UGT1A8: variants seen among roughly 807,000 people sequenced by gnomAD.
UGT1A8 encodes UDP glucuronosyltransferase family 1 member A8.
UGT1A8 carries 39 observed loss-of-function variants against 45.3 expected under a neutral mutation model. That is an observed-to-expected ratio of 0.86 (90% CI 0.67 to 1.12). The LOEUF (loss-of-function observed/expected upper bound fraction) is 1.12. Among genes scored for constraint, UGT1A8 ranks in the 50% most tolerant of loss-of-function variants. The pLI is 0.00. For missense variants in UGT1A8, 719 were observed against 664.9 expected (o/e 1.08, Z -0.90); for synonymous variants, 275 against 249.2 (o/e 1.10, Z -0.97).
intron 1 of UGT1A8, among the ~76,000 whole-genome samples, chr2:233,727,290 G>A (rs1306281777): frequency 6.6e-6 from 1 of 152,162 alleles, no homozygotes; most frequent in Non-Finnish European, 1.5e-5. Flanking sequence ...GGAAGCTGAT[G>A]ACTTGGGCAG....
chr2:233,617,928 T>A lies in UGT1A8; in HGVS notation c.221T>A (p.Val74Glu). ...CTGGGAAAATCACTGAATTGCACAG[T>A]GAAGACTTACTCAACCTCATACACT... ...WQLGKSLNCT[V>E]KTYSTSYTLE... The change falls in exon 1 of 5, where the codon GTG (valine) becomes GAG (glutamate). Residue 74 changes from valine (V) to glutamate (E), a missense_variant. Coordinates refer to ENST00000373450, the MANE Select transcript of UGT1A8 (RefSeq NM_019076.5). 1.2e-6 allele frequency: 2 copies of A among 1,614,194 alleles called. No homozygotes were observed. Among genetic ancestry groups the A allele is most frequent in the Non-Finnish European group, 1.7e-6 (2 of 1,180,034 alleles).
chr2:233,766,278 C>CGGGCTCGGTGGCCT (rs201295078), intron 1 of UGT1A8, among the ~76,000 whole-genome samples: 1 of 116,250 alleles, frequency 8.6e-6, no homozygotes, highest in East Asian at 2.1e-4. Flanking sequence ...CTCGGTGGCC[C>CGGGCTCGGTGGCCT]GGGCTCGGTG....
intron 1 of UGT1A8, among the ~76,000 whole-genome samples, chr2:233,742,165 C>A (rs1314313900): frequency 2.0e-5 from 3 of 151,916 alleles, no homozygotes; most frequent in Non-Finnish European, 2.9e-5. Context: ...AAGACACACA[C>A]ACAGAAATAT....
At chr2:233,766,965 T>C in intron 1 of UGT1A8, 69 bp from the exon 2 acceptor site, 1 of 1,608,636 alleles carries the variant, frequency 6.2e-7, no homozygotes, top group Non-Finnish European at 8.5e-7. Context: ...ATCTAATTCA[T>C]AACTTACTGT....
chr2:233,710,556 C>A (rs943295529), intron 1 of UGT1A8, among the ~76,000 whole-genome samples: 25 of 152,110 alleles, frequency 1.6e-4, no homozygotes, highest in African/African-American at 6.0e-4. Context: ...TGCCTGTTTT[C>A]TTTTAAAAGG....
intron 1 of UGT1A8, chr2:233,760,446 G>T (rs149071335): frequency 6.2e-7 from 1 of 1,614,210 alleles, no homozygotes; most frequent in Non-Finnish European, 8.5e-7. Flanking sequence ...TGCAGCAGAG[G>T]GGACATGAAA....
Position 233,727,076 on chromosome 2 carries a change from C to T in UGT1A8, c.856-39958C>T, listed in dbSNP as rs574728878. Among the ~76,000 whole-genome samples the T allele has an allele frequency of 2.4e-4, 36 of 152,290 alleles. No individual in the cohort carries two copies. In the South Asian group the frequency reaches 7.5e-3, roughly 32 times the overall value. ...GAAGATTAGTTTCTGTGTTCTCTTA[C>T]AAACATTAAAGAATTCCAGTTTGTG... On this transcript the variant is annotated intron_variant, in intron 1 of 4. Coordinates refer to ENST00000373450, the MANE Select transcript of UGT1A8 (RefSeq NM_019076.5).
intron 1 of UGT1A8, chr2:233,648,382 C>T: frequency 3.1e-6 from 1 of 326,844 alleles, no homozygotes; most frequent in Non-Finnish European, 5.9e-6. Flanking sequence ...TGCACAGTGC[C>T]CTGCTTCTCT....
intron 2 of UGT1A8, 65 bp downstream of exon 2, chr2:233,767,230 G>C: frequency 2.5e-6 from 4 of 1,610,018 alleles, no homozygotes; most frequent in South Asian, 2.2e-5. Context: ...CAGACTTCCA[G>C]CTTCCAGATT....
At chr2:233,672,798 T>C (rs747306856) in intron 1 of UGT1A8, 1 of 1,612,458 alleles carries the variant, frequency 6.2e-7, no homozygotes, top group South Asian at 1.1e-5. Context: ...TGGTAAGTTA[T>C]CTCTCCTTTA....
chr2:233,755,755 T>A (rs1696010342), intron 1 of UGT1A8: 1 of 152,982 alleles, frequency 6.5e-6, no homozygotes, highest in East Asian at 1.9e-4. Context: ...GGTGCCCATT[T>A]GCTTTTGTTC....
At chr2:233,658,305 A>G (rs2073898545) in intron 1 of UGT1A8, among the ~76,000 whole-genome samples, 2 of 152,052 alleles carry the variant, frequency 1.3e-5, no homozygotes, top group Admixed American at 6.6e-5. Context: ...AGGTGTGAGC[A>G]ATGGCACCCA....
chr2:233,751,502 G>T (rs1015716404), intron 1 of UGT1A8, among the ~76,000 whole-genome samples: 2 of 152,208 alleles, frequency 1.3e-5, no homozygotes, highest in South Asian at 2.1e-4. Context: ...AGATTTGGGA[G>T]GGGCCAGAGG....
chr2:233,721,017 C>G (rs1165667415), intron 1 of UGT1A8, among the ~76,000 whole-genome samples: 1 of 151,958 alleles, frequency 6.6e-6, no homozygotes, highest in Non-Finnish European at 1.5e-5. Flanking sequence ...AGTGAGGGAG[C>G]CATCTTTCTT....
At chr2:233,633,763 C>T (rs1030504103) in intron 1 of UGT1A8, among the ~76,000 whole-genome samples, 12 of 152,268 alleles carry the variant, frequency 7.9e-5, no homozygotes, top group Non-Finnish European at 1.3e-4. Context: ...AAACCAGCTC[C>T]TGGATTCATT....
chr2:233,758,976 C>A (rs1219647743), intron 1 of UGT1A8, among the ~76,000 whole-genome samples: 1 of 152,198 alleles, frequency 6.6e-6, no homozygotes, highest in Non-Finnish European at 1.5e-5. Flanking sequence ...TCCCCTGGAT[C>A]TTGGGCCAGT....
rs1180011423 is a variant in UGT1A8, at chr2:233,630,811, C to CT, written c.855+12261dup. On this transcript the variant is annotated intron_variant, in intron 1 of 4. Coordinates refer to ENST00000373450, the MANE Select transcript of UGT1A8 (RefSeq NM_019076.5). ...TAAACATATGCCATGGTAGCACATA[C>CT]TTTTTTTTTTTTCCTGCTCTAAAAC... is the stretch of plus-strand genomic sequence containing the variant. 5.1e-3 allele frequency among the ~76,000 whole-genome samples: 703 copies of CT among 138,064 alleles called. 5 individuals carry two copies. Among genetic ancestry groups the CT allele is most frequent in the African/African-American group, 0.017 (635 of 37,904 alleles). The allele number at this position is 138,064 out of a possible 152,430, so 90.6% of individuals were successfully genotyped here.
intron 1 of UGT1A8, among the ~76,000 whole-genome samples, chr2:233,695,025 T>A (rs371221092): frequency 5.5e-4 from 84 of 152,350 alleles, no homozygotes; most frequent in African/African-American, 2.0e-3. Context: ...TGAACTGCAG[T>A]ATACATTCTT....
chr2:233,767,766 C>T lies in UGT1A8; in HGVS notation c.988-83C>T, dbSNP rs28900402. The stretch of plus-strand genomic sequence containing the variant: ...TAAAGACTGTTCCTTCAGAGGACCC[C>T]TGTTTTCTAGTTAGTATAGCAGATT... On this transcript the variant is annotated intron_variant, in intron 2 of 4. Coordinates refer to ENST00000373450, the MANE Select transcript of UGT1A8 (RefSeq NM_019076.5). 4.7e-3 allele frequency: 7,536 copies of T among 1,609,198 alleles called. 310 individuals are homozygous for T. The African/African-American group carries it at 0.088, about 19-fold the overall frequency.
Sources: gnomAD v4.1 joint callset for allele counts (sites outside exome capture counted in the v4.1 genomes callset) on GRCh38, gnomAD v4.1.1 for gene constraint, MANE v1.5 for transcripts, NCBI Gene and HGNC (gene_info 2026-07-23, HGNC 2026-07-21) for gene names.